The following SLC24A2 variants were observed in gnomAD, a reference collection of about 807,000 sequenced individuals.
SLC24A2 encodes the protein sodium/potassium/calcium exchanger 2.
In SLC24A2, 36 loss-of-function variants were observed where a neutral mutation model predicts 62.0. The ratio of observed to expected loss-of-function variants is 0.58; its 90% confidence interval spans 0.44 to 0.77. The LOEUF is 0.77. SLC24A2 is among the 30% of genes least tolerant of loss of function. The pLI is 0.00. For missense variants in SLC24A2, 846 were observed against 817.9 expected (o/e 1.03, Z -0.42); for synonymous variants, 358 against 294.0 (o/e 1.22, Z -2.23).
At chr9:19,893,873 G>A in the SLC24A2 span, among the ~76,000 whole-genome samples, 12,572 of 152,176 alleles carry the variant, frequency 0.083, 660 homozygotes, top group East Asian at 0.25. Flanking sequence ...CAGGGGTTCT[G>A]TCTGATGGTC....
At chr9:19,542,356 TTCTAA>T (rs1369097370) in intron 8 of SLC24A2, among the ~76,000 whole-genome samples, 1 of 152,202 alleles carries the variant, frequency 6.6e-6, no homozygotes, top group East Asian at 1.9e-4. Flanking sequence ...CAATAGAGTT[TTCTAA>T]ATATACAATC....
chr9:20,055,680 G>T, the SLC24A2 span, among the ~76,000 whole-genome samples: 1 of 152,084 alleles, frequency 6.6e-6, no homozygotes, highest in Non-Finnish European at 1.5e-5. Context: ...CTGAGCTCAG[G>T]AGTTCAAGAC....
At chr9:19,919,132 C>T in the SLC24A2 span, among the ~76,000 whole-genome samples, 3 of 152,174 alleles carry the variant, frequency 2.0e-5, no homozygotes, top group African/African-American at 7.2e-5. Flanking sequence ...CCTATCCGAG[C>T]TTGCTTCGGG....
At position 19,655,012 on chromosome 9, in the gene SLC24A2, C is replaced by T. The variant is rs572590646; in HGVS notation, c.931-32713G>A. On this transcript the variant is annotated intron_variant, in intron 2 of 10. Coordinates refer to ENST00000341998, the MANE Select transcript of SLC24A2 (RefSeq NM_020344.4). ...TGCATACAGCCTGTAACCTACTTATCACCTGTGACTCATATTAGTTTCTTG... is the reference window on the plus strand; with the variant it reads ...TGCATACAGCCTGTAACCTACTTATTACCTGTGACTCATATTAGTTTCTTG... Among the ~76,000 whole-genome samples, 303 of 152,350 alleles carry T rather than the reference C, an allele frequency of 2.0e-3. 3 individuals are homozygous for T. Among genetic ancestry groups the T allele is most frequent in the African/African-American group, 6.8e-3 (283 of 41,584 alleles).
chr9:20,179,562 A>T, the SLC24A2 span, among the ~76,000 whole-genome samples: 1 of 152,164 alleles, frequency 6.6e-6, no homozygotes, highest in Non-Finnish European at 1.5e-5. Context: ...TCCTGGAACC[A>T]CGATGTTGTT....
chr9:20,143,454 G>C, the SLC24A2 span, among the ~76,000 whole-genome samples: 1 of 152,192 alleles, frequency 6.6e-6, no homozygotes, highest in African/African-American at 2.4e-5. Flanking sequence ...ACTTAGTGCT[G>C]ATCACCTGGT....
At chr9:19,876,678 A>T in the SLC24A2 span, among the ~76,000 whole-genome samples, 2 of 152,156 alleles carry the variant, frequency 1.3e-5, no homozygotes, top group African/African-American at 4.8e-5. Flanking sequence ...TGTTTTTATT[A>T]CATTACACAG....
intron 2 of SLC24A2, among the ~76,000 whole-genome samples, chr9:19,675,198 T>A (rs1564030498): frequency 6.6e-6 from 1 of 152,156 alleles, no homozygotes; most frequent in Non-Finnish European, 1.5e-5. Context: ...AAGAGTCCTG[T>A]GATGTGAACT....
chr9:20,035,787 T>G, the SLC24A2 span, among the ~76,000 whole-genome samples: 1 of 152,066 alleles, frequency 6.6e-6, no homozygotes, highest in Non-Finnish European at 1.5e-5. Context: ...GAAATGGACA[T>G]CTCTCTGAAC....
chr9:19,587,426 T>A (rs188742626), intron 5 of SLC24A2, among the ~76,000 whole-genome samples: 3 of 152,308 alleles, frequency 2.0e-5, no homozygotes, highest in Admixed American at 2.0e-4. Context: ...AGTTCTTAGT[T>A]TATATTTTAA....
At chr9:19,618,362 C>T (rs879852301) in intron 4 of SLC24A2, among the ~76,000 whole-genome samples, 8 of 152,144 alleles carry the variant, frequency 5.3e-5, no homozygotes, top group South Asian at 2.1e-4. Flanking sequence ...ATGTCCCTGG[C>T]TAAGAATTAC....
intron 7 of SLC24A2, among the ~76,000 whole-genome samples, chr9:19,572,229 C>T (rs560923550): frequency 1.1e-4 from 13 of 122,006 alleles, no homozygotes; most frequent in African/African-American, 3.8e-4. Flanking sequence ...CACTGCACTC[C>T]AGGCTGGGTG....
chr9:20,196,774 T>A, the SLC24A2 span, among the ~76,000 whole-genome samples: 6 of 152,174 alleles, frequency 3.9e-5, no homozygotes. Context: ...GCAAGCTCAC[T>A]GTGGAAAAGT....
At chr9:19,769,880 G>A (rs1822633302) in intron 2 of SLC24A2, among the ~76,000 whole-genome samples, 1 of 152,064 alleles carries the variant, frequency 6.6e-6, no homozygotes, top group African/African-American at 2.4e-5. Context: ...GGGGTTGCCT[G>A]TTCTATTTGG....
chr9:19,706,107 C>T (rs2118560249), intron 2 of SLC24A2, among the ~76,000 whole-genome samples: 2 of 152,176 alleles, frequency 1.3e-5, no homozygotes, highest in African/African-American at 4.8e-5. Context: ...CTTTATGAAT[C>T]TGGGTGCTCC....
At chr9:19,977,228 T>C in the SLC24A2 span, among the ~76,000 whole-genome samples, 1 of 151,984 alleles carries the variant, frequency 6.6e-6, no homozygotes, top group Non-Finnish European at 1.5e-5. Context: ...GGGTACATGT[T>C]AGCTCCTTGT....
chr9:19,656,962 G>C (rs527521106), intron 2 of SLC24A2, among the ~76,000 whole-genome samples: 20 of 152,286 alleles, frequency 1.3e-4, no homozygotes, highest in Middle Eastern at 3.4e-3. Flanking sequence ...TCCTTCAGAA[G>C]CTCCTGGGTA....
At chr9:19,962,591 T>A in the SLC24A2 span, among the ~76,000 whole-genome samples, 1 of 152,212 alleles carries the variant, frequency 6.6e-6, no homozygotes, top group Non-Finnish European at 1.5e-5. Flanking sequence ...CCCTTGTAAG[T>A]TGGATTCCTA....
At chr9:19,783,954 C>A (rs1360531920) in intron 2 of SLC24A2, among the ~76,000 whole-genome samples, 2 of 152,134 alleles carry the variant, frequency 1.3e-5, no homozygotes, top group Non-Finnish European at 2.9e-5. Flanking sequence ...AAATCAGAAA[C>A]AGAAATAGTT....
Sources: allele counts gnomAD v4.1 joint callset (sites outside exome capture counted in the v4.1 genomes callset), GRCh38; gene constraint gnomAD v4.1.1; transcripts MANE v1.5; gene names NCBI Gene and HGNC (gene_info 2026-07-23, HGNC 2026-07-21).